The following DDX1 variants were observed in gnomAD, a reference collection of about 807,000 sequenced individuals.
DDX1 encodes DEAD-box helicase 1.
Under a neutral mutation model 108.7 loss-of-function variants are expected in DDX1, and 28 were observed. The ratio of observed to expected loss-of-function variants is 0.26; its 90% CI spans 0.19 to 0.35. The LOEUF (loss-of-function observed/expected upper bound fraction) is 0.35. DDX1 is among the 10% of genes least tolerant of loss of function. DDX1 has a pLI of 1.00. For missense variants in DDX1, 710 were observed against 884.5 expected (o/e 0.80, Z 2.50); for synonymous variants, 295 against 288.9 (o/e 1.02, Z -0.21).
chr2:15,604,527 C>G lies in DDX1; in HGVS notation c.625+18C>G, dbSNP rs1665634379. ...CAAAAATGGTAAGCTCTATATGGATCTTAGTAGTGAAAAGATACATGATAT... is the reference window on the plus strand; with the variant it reads ...CAAAAATGGTAAGCTCTATATGGATGTTAGTAGTGAAAAGATACATGATAT... On this transcript the variant is annotated intron_variant, in intron 10 of 25. Coordinates refer to ENST00000233084, the MANE Select transcript of DDX1 (RefSeq NM_004939.3). The G allele has an allele frequency of 1.3e-6, 2 of 1,487,418 alleles. No homozygotes were observed. The highest frequency in any genetic ancestry group is 2.8e-5 in the African/African-American group (2 of 72,058). 92.1% of individuals were successfully genotyped at this position (1,487,418 alleles called of 1,614,324 possible).
rs184905286 is a variant in DDX1 at position 15,605,977 on chromosome 2, T to C, written c.653T>C (p.Ile218Thr). The C allele has an allele frequency of 4.4e-6, 7 of 1,581,812 alleles. No homozygotes were observed. The East Asian group carries it at 1.6e-4, about 36-fold the overall frequency. Residue 218 changes from isoleucine to threonine, a missense_variant, in exon 11 of 26, where the codon ATA (isoleucine) becomes ACA (threonine). Transcript: ENST00000233084. The part of the protein sequence containing the change: ...NGKDLGLAFE[I>T]PPHMKNQALF... ...AAAGATCTTGGTCTGGCATTTGAAA[T>C]ACCACCACATATGAAAAACCAAGCC...
chr2:15,630,852 G>A lies in DDX1; in HGVS notation c.2169G>A (p.Gln723=). The change falls in exon 26 of 26, where the codon CAG becomes CAA. Residue 723 remains glutamine (Q), a synonymous_variant. Coordinates refer to ENST00000233084, the MANE Select transcript of DDX1 (RefSeq NM_004939.3). ...TGGCTGCCCTTGAAAAGGAGGCGCA[G>A]ACATCTTTCCTGCATCTTGGCTACC... ...QELAALEKEA[Q]TSFLHLGYLP... 6.2e-7 allele frequency: 1 copy of A among 1,614,130 alleles called. No individual in the cohort carries two copies. Among genetic ancestry groups the A allele is most frequent in the Non-Finnish European group, 8.5e-7 (1 of 1,179,984 alleles).
intron 1 of DDX1, 123 bp downstream of exon 1, chr2:15,592,072 C>T (rs1330456997): frequency 4.3e-6 from 4 of 927,102 alleles, no homozygotes; most frequent in South Asian, 3.0e-5. Context: ...AGGGCGCTGT[C>T]CGCTGCAGTC....
At chr2:15,621,938 G>A (rs1475695286) in intron 18 of DDX1, among the ~76,000 whole-genome samples, 1 of 152,212 alleles carries the variant, frequency 6.6e-6, no homozygotes, top group East Asian at 1.9e-4. Context: ...ATAGGCGTGA[G>A]CCACTGCACC....
intron 13 of DDX1, among the ~76,000 whole-genome samples, chr2:15,610,058 C>T (rs1484696683): frequency 1.3e-5 from 2 of 152,146 alleles, no homozygotes; most frequent in African/African-American, 4.8e-5. Flanking sequence ...CCTAAGCCTC[C>T]AGAGTAGCTG....
rs767271793 is a variant in DDX1, at chr2:15,630,019, C to G, written c.2001C>G (p.Asn667Lys). Residue 667 changes from asparagine (N) to lysine (K), a missense_variant, in exon 25 of 26, where the codon AAC becomes AAG. Physicochemically the swap from Asn to Lys is moderately conservative, Grantham distance 94. Around this residue, in one of 3 missense-constraint regions of DDX1, gnomAD observed 661 missense variants for 810.2 expected, o/e 0.82. Transcript: ENST00000233084. ...QLLSEIEEHL[N>K]CTISQVEPDI... ...TATCTGAGATAGAAGAACACCTGAACTGTACCATTTCTCAGGTTGAGCCGG... is the reference window on the plus strand; with the variant it reads ...TATCTGAGATAGAAGAACACCTGAAGTGTACCATTTCTCAGGTTGAGCCGG... 1.2e-6 allele frequency: 2 copies of G among 1,612,252 alleles called. No homozygotes were observed. The highest frequency in any genetic ancestry group is 8.5e-7 in the Non-Finnish European group (1 of 1,178,688).
intron 13 of DDX1, among the ~76,000 whole-genome samples, chr2:15,611,517 A>ACC (rs537084520): frequency 1.3e-4 from 17 of 126,826 alleles, no homozygotes; most frequent in East Asian, 1.1e-3. Flanking sequence ...CAGGGGGCTG[A>ACC]CCCCCCCACC....
intron 16 of DDX1, among the ~76,000 whole-genome samples, chr2:15,618,608 T>C (rs1025972729): frequency 3.3e-5 from 5 of 152,236 alleles, no homozygotes; most frequent in Non-Finnish European, 5.9e-5. Context: ...TCTGTGAGGC[T>C]GGTGGCCAGG....
chr2:15,596,199 G>A (rs1213249111), intron 3 of DDX1, among the ~76,000 whole-genome samples: 6 of 152,108 alleles, frequency 3.9e-5, no homozygotes, highest in Middle Eastern at 3.2e-3. Flanking sequence ...GAAGATAAAA[G>A]AGAAATGCTT....
intron 1 of DDX1, among the ~76,000 whole-genome samples, chr2:15,594,312 A>G (rs892359729): frequency 2.0e-5 from 3 of 152,158 alleles, no homozygotes; most frequent in Non-Finnish European, 1.5e-5. Flanking sequence ...AGGAATATAT[A>G]TTTTTATGAT....
chr2:15,612,165 G>A (rs1348943867), intron 13 of DDX1, among the ~76,000 whole-genome samples: 5 of 150,966 alleles, frequency 3.3e-5, no homozygotes, highest in African/African-American at 4.9e-5. Flanking sequence ...CCTCCTGGAC[G>A]GGGCGGCTGG....
At chr2:15,628,260 A>G (rs1363040729) in intron 20 of DDX1, among the ~76,000 whole-genome samples, 185 bp from the exon 21 acceptor site, 1 of 152,218 alleles carries the variant, frequency 6.6e-6, no homozygotes, top group Non-Finnish European at 1.5e-5. Context: ...CTTAAATGTC[A>G]TGTTTCAGCA....
chr2:15,592,979 G>A (rs1665440162), intron 1 of DDX1, among the ~76,000 whole-genome samples: 1 of 151,916 alleles, frequency 6.6e-6, no homozygotes, highest in Admixed American at 6.6e-5. Context: ...GGAGTGCAAT[G>A]GTGTGATCTT....
At chr2:15,612,631 G>A (rs1463769018) in intron 13 of DDX1, among the ~76,000 whole-genome samples, 5 of 151,716 alleles carry the variant, frequency 3.3e-5, no homozygotes, top group African/African-American at 9.7e-5. Flanking sequence ...CTGCAATCTC[G>A]GCACTTTGGG....
At chr2:15,603,110 C>A in intron 7 of DDX1, 82 bp from the exon 8 acceptor site, 1 of 955,374 alleles carries the variant, frequency 1.0e-6, no homozygotes, top group South Asian at 1.5e-5. Flanking sequence ...CTGTGTAATT[C>A]AGAAACAATG....
intron 5 of DDX1, among the ~76,000 whole-genome samples, chr2:15,598,980 C>T (rs563073451): frequency 5.9e-4 from 89 of 152,012 alleles, no homozygotes; most frequent in African/African-American, 1.9e-3. Context: ...AAATGTTGAT[C>T]AGTTATTTCC....
At position 15,591,914 on chromosome 2, in the gene DDX1, C is replaced by T. The variant is rs761820274; in HGVS notation, c.-20C>T. ...GGAGGGAGGGAGCGAGCAGGCGAAG[C>T]CGCGGAGGACGGGGTGAAGATGGCG... On this transcript the variant is annotated 5_prime_UTR_variant, in exon 1 of 26. Coordinates refer to ENST00000233084, the MANE Select transcript of DDX1 (RefSeq NM_004939.3). The T allele has an allele frequency of 1.1e-4, 161 of 1,458,460 alleles. No individual in the cohort carries two copies. The highest frequency in any genetic ancestry group is 1.3e-4 in the Non-Finnish European group (139 of 1,105,402). 90.3% of individuals were successfully genotyped at this position (1,458,460 alleles called of 1,614,324 possible). A position where few individuals can be genotyped will look rare whatever the true frequency, so the allele number is the denominator to read the frequency against.
chr2:15,608,494 C>T (rs12469927), intron 13 of DDX1, among the ~76,000 whole-genome samples: 31,160 of 149,890 alleles, frequency 0.21, 3,736 homozygotes, highest in Admixed American at 0.28. Context: ...CGCCATTGCA[C>T]TCCAGCCTGG....
At position 15,591,883 on chromosome 2, in the gene DDX1, C is replaced by T. The variant is rs749791665; in HGVS notation, c.-51C>T. 4 of 1,466,582 alleles carry T rather than the reference C, an allele frequency of 2.7e-6. No homozygotes were observed. Among genetic ancestry groups the T allele is most frequent in the Admixed American group, 2.6e-5 (1 of 38,388 alleles). 90.8% of individuals were successfully genotyped at this position (1,466,582 alleles called of 1,614,324 possible). A position where few individuals can be genotyped will look rare whatever the true frequency, so the allele number is the denominator to read the frequency against. On this transcript the variant is annotated 5_prime_UTR_variant, in exon 1 of 26. Transcript: ENST00000233084. ...GCGCGCCGCCACTGCCACGCCGTGT[C>T]AGTCGGGAGGGAGGGAGCGAGCAGG...
Sources: allele counts gnomAD v4.1 joint callset (sites outside exome capture counted in the v4.1 genomes callset), GRCh38; gene constraint gnomAD v4.1.1; regional missense constraint gnomAD v4.1.1; transcripts MANE v1.5; gene names NCBI Gene and HGNC (gene_info 2026-07-23, HGNC 2026-07-21).